BAHCC1: variants seen among roughly 807,000 people sequenced by gnomAD.
The protein encoded by BAHCC1 is BAH domain and coiled-coil containing 1.
A neutral mutation model predicts 88.2 loss-of-function variants in BAHCC1; 43 were observed. The observed-to-expected ratio is 0.49, with a 90% confidence interval of 0.38 to 0.63. The LOEUF (loss-of-function observed/expected upper bound fraction) is 0.63, where lower values mean the gene tolerates loss of function less well. Among genes scored for constraint, BAHCC1 ranks in the 20% least tolerant of loss-of-function variants. The pLI is 0.00. For synonymous variants in BAHCC1, 1,510 were observed against 745.5 expected, an observed-to-expected ratio of 2.03 and a Z score of -16.71; for missense variants, 3,023 against 1,654.8, an observed-to-expected ratio of 1.83 and a Z score of -14.34.
In BAHCC1 at chr17:81,459,288, G is replaced by A. The variant is rs782751405; in HGVS notation, c.5756G>A (p.Arg1919Gln). 9.0e-6 allele frequency: 7 copies of A among 779,440 alleles called. No homozygotes were observed. The highest frequency in any genetic ancestry group is 2.7e-5 in the South Asian group (2 of 74,598). The allele number at this position is 779,440 out of a possible 1,614,324, so 48.3% of individuals were successfully genotyped here. A position where few individuals can be genotyped will look rare whatever the true frequency, so the allele number is the denominator to read the frequency against. The change falls in exon 22 of 28, where the codon CGG (arginine) becomes CAG (glutamine). Residue 1919 changes from arginine to glutamine, a missense_variant. Arg to Gln is a conservative substitution (Grantham distance 43). Transcript: ENST00000675386. ...SIVIEGERGN[R>Q]QRIYSLEQLL... is the part of the protein sequence containing the mutation. ...GTCATCGAGGGCGAGAGGGGCAACC[G>A]GCAGAGGATCTACTCACTGGAGCAG... is the stretch of plus-strand genomic sequence containing the variant.
chr17:81,457,145 C>A (rs1289367161), intron 16 of BAHCC1, among the ~76,000 whole-genome samples: 1 of 152,148 alleles, frequency 6.6e-6, no homozygotes, highest in South Asian at 2.1e-4. Flanking sequence ...GGGGAGGGGG[C>A]CCCAGCCCTG....
At chr17:81,446,773 G>A (rs781945805) in intron 10 of BAHCC1, 67 of 645,644 alleles carry the variant, frequency 1.0e-4, no homozygotes, top group Non-Finnish European at 1.6e-4. Flanking sequence ...CGCTGGTCTC[G>A]AATTCCTGGC....
At chr17:81,401,265 TGGG>T (rs1350489779) in intron 2 of BAHCC1, 2 of 152,656 alleles carry the variant, frequency 1.3e-5, no homozygotes, top group Non-Finnish European at 2.9e-5. Context: ...GAGATTGGAA[TGGG>T]GGAGCCGCCC....
intron 10 of BAHCC1, chr17:81,446,681 T>C (rs2064533986): frequency 4.8e-6 from 2 of 418,492 alleles, no homozygotes; most frequent in South Asian, 3.6e-5. Context: ...CCTGTGTAGC[T>C]TGGACCACAG....
intron 4 of BAHCC1, among the ~76,000 whole-genome samples, chr17:81,440,093 A>G (rs2064390393): frequency 6.6e-6 from 1 of 152,190 alleles, no homozygotes; most frequent in African/African-American, 2.4e-5. Flanking sequence ...CTCACCCAGG[A>G]CAGGCACCCA....
In BAHCC1 at chr17:81,399,780, C is replaced by T. The variant is rs547318668; in HGVS notation, c.41C>T (p.Ser14Leu). ...TTTGCGCCGCCGCCGCATCTGCTGT[C>T]GGAGCGCGGGAGCCTGGGCCACCGC... is the stretch of plus-strand genomic sequence containing the variant. ...RDFAPPPHLL[S>L]ERGSLGHRSA... Residue 14 changes from serine (S) to leucine (L), a missense_variant, in exon 2 of 28, where the codon TCG becomes TTG. Coordinates refer to ENST00000675386, the MANE Select transcript of BAHCC1 (RefSeq NM_001377448.1). The surrounding 1 kb of genome is among the most constrained non-coding windows in gnomAD (Gnocchi z 4.5). 3.2e-6 allele frequency: 4 copies of T among 1,237,890 alleles called. No homozygotes were observed. The highest frequency in any genetic ancestry group is 6.2e-5 in the South Asian group (2 of 32,154). 76.7% of individuals were successfully genotyped at this position (1,237,890 alleles called of 1,614,324 possible). A position where few individuals can be genotyped will look rare whatever the true frequency, so the allele number is the denominator to read the frequency against.
chr17:81,459,222 C>G, intron 21 of BAHCC1, 31 bp from the exon 22 acceptor site: 1 of 775,746 alleles, frequency 1.3e-6, no homozygotes, highest in Admixed American at 1.7e-5. Context: ...AACCGAGACC[C>G]GTGGCACCTC....
chr17:81,425,757 G>C (rs1261437490), intron 2 of BAHCC1, among the ~76,000 whole-genome samples: 2 of 148,768 alleles, frequency 1.3e-5, no homozygotes, highest in African/African-American at 5.0e-5. Context: ...GGTGTGATGT[G>C]GTTGGTGGTG....
At chr17:81,408,908 T>C (rs1555647307) in intron 2 of BAHCC1, among the ~76,000 whole-genome samples, 5 of 152,212 alleles carry the variant, frequency 3.3e-5, no homozygotes, top group African/African-American at 1.2e-4. Flanking sequence ...TGAGCCACAC[T>C]GGCCTCCGTC....
In BAHCC1 at chr17:81,399,615, C is replaced by A; in HGVS notation, c.-125C>A. Reference sequence around the variant, plus strand: ...CAGTCCTCCCGCGTGCTGACCGGCCCCGCCGCCACCACCGCCTGTGACCCC... The same window carrying A: ...CAGTCCTCCCGCGTGCTGACCGGCCACGCCGCCACCACCGCCTGTGACCCC... On this transcript the variant is annotated 5_prime_UTR_variant, in exon 2 of 28. Coordinates refer to ENST00000675386, the MANE Select transcript of BAHCC1 (RefSeq NM_001377448.1). This position sits in a 1 kb window ranked among gnomAD's most constrained non-coding sequence, Gnocchi z 4.5. The A allele has an allele frequency of 1.6e-6, 1 of 614,638 alleles. No individual in the cohort carries two copies. The highest frequency in any genetic ancestry group is 2.3e-6 in the Non-Finnish European group (1 of 429,206). 38.1% of individuals were successfully genotyped at this position (614,638 alleles called of 1,614,324 possible).
chr17:81,419,129 C>G (rs955811863), intron 2 of BAHCC1, among the ~76,000 whole-genome samples: 17 of 152,180 alleles, frequency 1.1e-4, no homozygotes, highest in African/African-American at 3.6e-4. Context: ...CTGCCTGTCT[C>G]CCAGCCACAT....
intron 2 of BAHCC1, among the ~76,000 whole-genome samples, chr17:81,419,159 G>A (rs2064081245): frequency 6.6e-6 from 1 of 152,214 alleles, no homozygotes; most frequent in Admixed American, 6.5e-5. Flanking sequence ...GGGGTGGCAT[G>A]TGGCTGGGCC....
chr17:81,456,970 C>T (rs1339971465), intron 16 of BAHCC1, among the ~76,000 whole-genome samples: 1 of 151,976 alleles, frequency 6.6e-6, no homozygotes, highest in African/African-American at 2.4e-5. Flanking sequence ...CACGTGTGTC[C>T]AGAAACAGGA....
chr17:81,453,001 C>T (rs549048486), intron 14 of BAHCC1, 150 bp downstream of exon 14: 116 of 560,674 alleles, frequency 2.1e-4, no homozygotes, highest in South Asian at 8.1e-4. Context: ...CTTCCTAGAC[C>T]ATCGAGAGTG....
At position 81,434,327 on chromosome 17, in the gene BAHCC1, G is replaced by A. The variant is rs574307345; in HGVS notation, c.359-4043G>A. Among the ~76,000 whole-genome samples the A allele has an allele frequency of 5.9e-5, 9 of 152,326 alleles. No individual in the cohort carries two copies. Among genetic ancestry groups the A allele is most frequent in the African/African-American group, 1.7e-4 (7 of 41,574 alleles). ...GCCCAGCCAGGCGCATGTGGGAGCC[G>A]AGGTGGTACTGCAGTGGGAGACAGG... is the stretch of plus-strand genomic sequence containing the variant. On this transcript the variant is annotated intron_variant, in intron 3 of 27. Transcript: ENST00000675386. The surrounding 1 kb of genome is among the most constrained non-coding windows in gnomAD (Gnocchi z 4.9).
At chr17:81,415,647 T>G (rs782652517) in intron 2 of BAHCC1, 1 of 479,530 alleles carries the variant, frequency 2.1e-6, no homozygotes. Context: ...CTGGTCCTTC[T>G]TAGCACCAGG....
Position 81,426,977 on chromosome 17 carries a change from A to C in BAHCC1, c.356A>C (p.Glu119Ala), listed in dbSNP as rs2143414067. The C allele has an allele frequency of 2.5e-6, 1 of 398,168 alleles. No individual in the cohort carries two copies. Among genetic ancestry groups the C allele is most frequent in the Non-Finnish European group, 4.4e-6 (1 of 225,958 alleles). 24.7% of individuals were successfully genotyped at this position (398,168 alleles called of 1,614,324 possible). Reference sequence around the variant, plus strand: ...CAGATCTGGTTCTCCCACTCCCACGAAGGTAAGTTGGCGGACTGGGCTCCC... The same window carrying C: ...CAGATCTGGTTCTCCCACTCCCACGCAGGTAAGTTGGCGGACTGGGCTCCC... The part of the protein sequence containing the change: ...TSQIWFSHSH[E>A]APGYPRFSGS... The change falls in exon 3 of 28, where the codon GAA becomes GCA. Residue 119 changes from glutamate (E) to alanine (A), a missense_variant and splice_region_variant. Transcript: ENST00000675386.
chr17:81,440,603 T>C (rs1439471252), intron 4 of BAHCC1, among the ~76,000 whole-genome samples: 1 of 152,102 alleles, frequency 6.6e-6, no homozygotes, highest in African/African-American at 2.4e-5. Context: ...ACCCCCAGGG[T>C]CCCCAGAGGC....
chr17:81,403,762 CA>C (rs2063845536), intron 2 of BAHCC1, among the ~76,000 whole-genome samples: 1 of 152,186 alleles, frequency 6.6e-6, no homozygotes, highest in Admixed American at 6.5e-5. Flanking sequence ...CCATAAGTGA[CA>C]GAGTTAGACA....
Sources: gnomAD v4.1 joint callset for allele counts (sites outside exome capture counted in the v4.1 genomes callset) on GRCh38, gnomAD v4.1.1 for gene constraint, Gnocchi (gnomAD v3.1) non-coding constraint, MANE v1.5 for transcripts, NCBI Gene and HGNC (gene_info 2026-07-23, HGNC 2026-07-21) for gene names.